Variants in ASB15 observed in about 807,000 individuals in gnomAD.
ASB15 encodes the protein ankyrin repeat and SOCS box protein 15.
Under a neutral mutation model 58.0 loss-of-function variants are expected in ASB15, and 54 were observed. That is an observed-to-expected ratio of 0.93 (90% CI 0.75 to 1.17). ASB15 has a LOEUF of 1.17. Among genes scored for constraint, ASB15 ranks in the 50% most tolerant of loss-of-function variants. The probability of loss-of-function intolerance (pLI) is 0.00; values close to 1 mark genes in which losing one functional copy is unlikely to be tolerated. For missense variants in ASB15, 680 were observed against 707.4 expected, an observed-to-expected ratio of 0.96 and a Z score of 0.44; for synonymous variants, 249 against 262.4, an observed-to-expected ratio of 0.95 and a Z score of 0.50.
chr7:123,637,883 A>AAAAAAAAAAAAAAAAAAAAAAAAC lies in ASB15; in HGVS notation c.*919_*920insAAAAAACAAAAAAAAAAAAAAAAA, dbSNP rs1802504335. On this transcript the variant is annotated 3_prime_UTR_variant, in exon 12 of 12. Coordinates refer to ENST00000451215, the MANE Select transcript of ASB15 (RefSeq NM_001290258.2). ...CAACATGTCCCCAGATGAACTAAAA[A>AAAAAAAAAAAAAAAAAAAAAAAAC]AAAAAAAAAAAAAAAAACCTCTTTC... 1 of 147,326 alleles carries AAAAAAAAAAAAAAAAAAAAAAAAC rather than the reference A, an allele frequency of 6.8e-6. No homozygotes were observed. The highest frequency in any genetic ancestry group is 1.5e-5 in the Non-Finnish European group (1 of 66,886). The allele number at this position is 147,326 out of a possible 1,614,324, so 9.1% of individuals were successfully genotyped here.
At chr7:123,593,075 A>G (rs1309616508) in intron 1 of ASB15, among the ~76,000 whole-genome samples, 2 of 151,886 alleles carry the variant, frequency 1.3e-5, no homozygotes, top group African/African-American at 2.4e-5. Flanking sequence ...TTGTTTTATC[A>G]GAGACCAGGA....
intron 11 of ASB15, among the ~76,000 whole-genome samples, chr7:123,630,942 G>C (rs762449336): frequency 3.3e-4 from 50 of 152,164 alleles, no homozygotes; most frequent in Non-Finnish European, 5.7e-4. Context: ...TGGAGAATCT[G>C]ATGAGTAATA....
At chr7:123,634,209 C>G (rs555124534) in intron 11 of ASB15, among the ~76,000 whole-genome samples, 2 of 152,094 alleles carry the variant, frequency 1.3e-5, no homozygotes, top group Non-Finnish European at 2.9e-5. Flanking sequence ...CAGCCACCCC[C>G]CCGACAGGCC....
intron 7 of ASB15, chr7:123,621,399 T>G (rs938550287): frequency 1.3e-5 from 2 of 152,220 alleles, no homozygotes; most frequent in African/African-American, 4.8e-5. Context: ...GTTACCTTAA[T>G]CAGCACCTTT....
intron 1 of ASB15, among the ~76,000 whole-genome samples, chr7:123,579,191 G>A (rs1799156384): frequency 6.6e-6 from 1 of 152,012 alleles, no homozygotes; most frequent in Admixed American, 6.6e-5. Flanking sequence ...TTAGGGTAAT[G>A]GCCTCCAGCT....
intron 7 of ASB15, among the ~76,000 whole-genome samples, chr7:123,618,386 G>C (rs1225844686): frequency 6.6e-6 from 1 of 152,204 alleles, no homozygotes; most frequent in Non-Finnish European, 1.5e-5. Flanking sequence ...GGGACACAGG[G>C]TGGTGGAGTA....
At chr7:123,580,077 G>T (rs1476976101) in intron 1 of ASB15, among the ~76,000 whole-genome samples, 1 of 151,970 alleles carries the variant, frequency 6.6e-6, no homozygotes, top group African/African-American at 2.4e-5. Context: ...GGCGGGATTA[G>T]AAAAATTCAT....
At chr7:123,593,086 T>C (rs1799586943) in intron 1 of ASB15, among the ~76,000 whole-genome samples, 1 of 152,186 alleles carries the variant, frequency 6.6e-6, no homozygotes, top group Non-Finnish European at 1.5e-5. Flanking sequence ...GAGACCAGGA[T>C]TGCAGCCCCT....
intron 1 of ASB15, among the ~76,000 whole-genome samples, chr7:123,574,649 T>C (rs1305919824): frequency 6.6e-6 from 1 of 152,172 alleles, no homozygotes; most frequent in East Asian, 1.9e-4. Flanking sequence ...CCCTCTAACA[T>C]TGAACCTCAT....
At chr7:123,624,878 T>A in intron 8 of ASB15, 64 bp downstream of exon 8, 1 of 1,503,168 alleles carries the variant, frequency 6.7e-7, no homozygotes, top group Non-Finnish European at 9.0e-7. Flanking sequence ...CTTTTCTCCA[T>A]TCATCACTCT....
chr7:123,633,047 C>T (rs1251971458), intron 11 of ASB15, among the ~76,000 whole-genome samples: 1 of 152,156 alleles, frequency 6.6e-6, no homozygotes, highest in African/African-American at 2.4e-5. Context: ...AAACTGTTGT[C>T]AGCATGCAAG....
At position 123,636,979 on chromosome 7, in the gene ASB15, T is replaced by A; in HGVS notation, c.1765T>A (p.Ter589LysextTer19). Residue 589 changes from the stop codon to lysine (K), a stop_lost, in exon 12 of 12, where the codon TAA becomes AAA. Coordinates refer to ENST00000451215, the MANE Select transcript of ASB15 (RefSeq NM_001290258.2). ...DLYGQELKLT[*>K] Reference sequence around the variant, plus strand: ...CTATGGACAAGAGCTAAAATTGACATAACTTAATATTTTAAAATGTGATTT... The same window carrying A: ...CTATGGACAAGAGCTAAAATTGACAAAACTTAATATTTTAAAATGTGATTT... 1 of 1,495,642 alleles carries A rather than the reference T, an allele frequency of 6.7e-7. No individual in the cohort carries two copies. Among genetic ancestry groups the A allele is most frequent in the Non-Finnish European group, 9.2e-7 (1 of 1,092,880 alleles). The allele number at this position is 1,495,642 out of a possible 1,614,324, so 92.6% of individuals were successfully genotyped here. A position where few individuals can be genotyped will look rare whatever the true frequency, so the allele number is the denominator to read the frequency against.
At position 123,636,815 on chromosome 7, in the gene ASB15, CTTGTTCA is replaced by C. The variant is rs1802451257; in HGVS notation, c.1605_1611del (p.Cys535Ter). Reference sequence around the variant, plus strand: ...TTTTCCCGATTTCTTTTAGAGAATCCTTGTTCATTGAAGCATTTGTGTCGGTTAAAAA... The same window carrying C: ...TTTTCCCGATTTCTTTTAGAGAATCCTTGAAGCATTTGTGTCGGTTAAAAA... On this transcript the variant is annotated frameshift_variant, in exon 12 of 12. Coordinates refer to ENST00000451215, the MANE Select transcript of ASB15 (RefSeq NM_001290258.2). LOFTEE classifies it high-confidence loss of function. 1 of 1,601,504 alleles carries C rather than the reference CTTGTTCA, an allele frequency of 6.2e-7. No individual in the cohort carries two copies. Among genetic ancestry groups the C allele is most frequent in the Non-Finnish European group, 8.5e-7 (1 of 1,176,236 alleles).
chr7:123,621,600 T>C (rs1801327323), intron 7 of ASB15: 1 of 152,240 alleles, frequency 6.6e-6, no homozygotes, highest in Non-Finnish European at 1.5e-5. Context: ...TGTTAATTTT[T>C]CTTACCCTAA....
At chr7:123,604,824 A>G (rs1450089111) in intron 2 of ASB15, among the ~76,000 whole-genome samples, 1 of 152,128 alleles carries the variant, frequency 6.6e-6, no homozygotes, top group Non-Finnish European at 1.5e-5. Context: ...TAGAACTAAA[A>G]CTTTCAAAAA....
intron 3 of ASB15, among the ~76,000 whole-genome samples, chr7:123,612,773 TATTAATTC>T (rs1800541670): frequency 6.6e-6 from 1 of 152,218 alleles, no homozygotes. Flanking sequence ...AATGCTCACT[TATTAATTC>T]ATTAATTCAT....
intron 1 of ASB15, among the ~76,000 whole-genome samples, chr7:123,603,286 T>C (rs1281084856): frequency 2.0e-5 from 3 of 152,186 alleles, no homozygotes; most frequent in Non-Finnish European, 1.5e-5. Flanking sequence ...TATTTTTGCA[T>C]GGACAAATAG....
rs1399275075 is a variant in ASB15, at chr7:123,629,984, G to C, written c.1459G>C (p.Val487Leu). 2 of 1,591,126 alleles carry C rather than the reference G, an allele frequency of 1.3e-6. No individual in the cohort carries two copies. The change falls in exon 11 of 12, where the codon GTT becomes CTT. Residue 487 changes from valine to leucine, a missense_variant. Transcript: ENST00000451215. ...CTCTCAGTTCTGTGAGTTTATTACA[G>C]TTCCTTGGATGAAGCACTTGGTAGG... ...KDNPFCEFITVPWMKHLVGRV... is the reference protein window; with the variant it reads ...KDNPFCEFITLPWMKHLVGRV...
chr7:123,589,230 C>A (rs1299856734), intron 1 of ASB15, among the ~76,000 whole-genome samples: 1 of 151,548 alleles, frequency 6.6e-6, no homozygotes, highest in Non-Finnish European at 1.5e-5. Context: ...GTTGGGTGCA[C>A]ATATAATTAC....
Sources: allele counts gnomAD v4.1 joint callset (sites outside exome capture counted in the v4.1 genomes callset), GRCh38; gene constraint gnomAD v4.1.1; transcripts MANE v1.5; gene names NCBI Gene and HGNC (gene_info 2026-07-23, HGNC 2026-07-21).